Variants in NREP observed in about 807,000 individuals in gnomAD.
NREP encodes neuronal regeneration related protein, also known as neuronal regeneration-related protein.
Under a neutral mutation model 8.6 loss-of-function variants are expected in NREP, and 5 were observed. That is an observed-to-expected ratio of 0.58 (90% CI 0.30 to 1.22). NREP has a LOEUF of 1.22. Ranked by LOEUF, NREP falls within the 50% of genes most tolerant of loss-of-function variation. The probability of loss-of-function intolerance (pLI) is 0.07; values close to 1 mark genes in which losing one functional copy is unlikely to be tolerated. For missense variants in NREP, 86 were observed against 82.5 expected, an observed-to-expected ratio of 1.04 and a Z score of -0.17; for synonymous variants, 27 against 28.0, an observed-to-expected ratio of 0.96 and a Z score of 0.11.
chr5:111,869,036 C>A (rs761702746), intron 2 of NREP, among the ~76,000 whole-genome samples: 2 of 152,182 alleles, frequency 1.3e-5, no homozygotes, highest in Non-Finnish European at 2.9e-5. Flanking sequence ...TATCATAGAA[C>A]ACGCATGCTC....
chr5:111,820,191 C>G lies in NREP; in HGVS notation c.136-84684G>C, dbSNP rs778016907. ...TTTAAACAGCAAAATCACCAACAAA[C>G]AGCTCAAAATGTGGTACTAAATAGA... On this transcript the variant is annotated intron_variant, in intron 2 of 3. Coordinates refer to the NREP transcript ENST00000395634. 7.9e-5 allele frequency among the ~76,000 whole-genome samples: 12 copies of G among 152,152 alleles called. 1 individual carries two copies. Among genetic ancestry groups the G allele is most frequent in the Admixed American group, 1.3e-4 (2 of 15,270 alleles).
chr5:111,828,998 C>T (rs747244557), intron 2 of NREP, among the ~76,000 whole-genome samples: 6 of 151,732 alleles, frequency 4.0e-5, no homozygotes, highest in Non-Finnish European at 7.4e-5. Context: ...GAGGGGGAGA[C>T]AGCTGAGCTG....
chr5:111,775,168 G>A (rs1751327159), intron 2 of NREP, among the ~76,000 whole-genome samples: 2 of 151,940 alleles, frequency 1.3e-5, no homozygotes, highest in Admixed American at 6.6e-5. Flanking sequence ...TGGGAGTACG[G>A]ATGCACGCCA....
At chr5:111,853,609 A>G (rs554250101) in intron 2 of NREP, among the ~76,000 whole-genome samples, 1 of 152,222 alleles carries the variant, frequency 6.6e-6, no homozygotes, top group South Asian at 2.1e-4. Flanking sequence ...AAATAGAAGC[A>G]CTCAGTAAGT....
At position 111,876,136 on chromosome 5, in the gene NREP, T is replaced by A. The variant is rs181116304; in HGVS notation, c.135+99138A>T. Among the ~76,000 whole-genome samples, 32 of 152,336 alleles carry A rather than the reference T, an allele frequency of 2.1e-4. No individual in the cohort carries two copies. In the East Asian group the frequency reaches 6.2e-3, roughly 29 times the overall value. The stretch of plus-strand genomic sequence containing the variant: ...TCTTTCTTATTGTCCCTGGTGGACA[T>A]GCCTGGCCCCCAGGTAGCCCTTTTT... On this transcript the variant is annotated intron_variant, in intron 2 of 3. Coordinates refer to the NREP transcript ENST00000395634.
At chr5:111,764,654 T>C (rs1386188608) in intron 2 of NREP, among the ~76,000 whole-genome samples, 1 of 152,188 alleles carries the variant, frequency 6.6e-6, no homozygotes, top group African/African-American at 2.4e-5. Context: ...ACAGCCAAAC[T>C]ATATCAAAGG....
intron 2 of NREP, among the ~76,000 whole-genome samples, chr5:111,909,972 T>C (rs1327002906): frequency 6.6e-6 from 1 of 152,118 alleles, no homozygotes; most frequent in Admixed American, 6.6e-5. Flanking sequence ...ACAGCTATAC[T>C]TGTGATTTCT....
At chr5:111,913,241 A>T (rs1754963193) in intron 2 of NREP, among the ~76,000 whole-genome samples, 1 of 152,128 alleles carries the variant, frequency 6.6e-6, no homozygotes, top group South Asian at 2.1e-4. Context: ...CTAATTTCAA[A>T]TTCTAAATTC....
At chr5:111,872,566 G>A (rs758886775) in intron 2 of NREP, among the ~76,000 whole-genome samples, 1 of 152,090 alleles carries the variant, frequency 6.6e-6, no homozygotes, top group Non-Finnish European at 1.5e-5. Context: ...GAGGATTGAT[G>A]GTTGTCTGTG....
At chr5:111,946,765 T>C (rs1318787000) in intron 2 of NREP, among the ~76,000 whole-genome samples, 1 of 152,000 alleles carries the variant, frequency 6.6e-6, no homozygotes, top group African/African-American at 2.4e-5. Flanking sequence ...AGCCTTCTAA[T>C]TTGGGCAGAA....
chr5:111,880,602 A>T (rs1251553545), intron 2 of NREP, among the ~76,000 whole-genome samples: 3 of 152,174 alleles, frequency 2.0e-5, no homozygotes, highest in Non-Finnish European at 4.4e-5. Flanking sequence ...CATCATAAAG[A>T]CTTCAACTAA....
At chr5:111,757,834 G>C (rs1477479043), upstream of NREP, 39 of 966,784 alleles carry the variant, frequency 4.0e-5, no homozygotes, top group Non-Finnish European at 4.8e-5. Context: ...AGGAGGTGGA[G>C]GAGGCGGTTT....
intron 2 of NREP, among the ~76,000 whole-genome samples, chr5:111,940,911 T>C (rs193099554): frequency 5.3e-5 from 8 of 152,088 alleles, no homozygotes; most frequent in Admixed American, 2.0e-4. Flanking sequence ...GAGAGGCACA[T>C]AGGGCAAGGT....
At chr5:111,755,984 G>A in intron 1 of NREP, 154 bp from the exon 2 acceptor site, 1 of 1,427,472 alleles carries the variant, frequency 7.0e-7, no homozygotes, top group Non-Finnish European at 9.2e-7. Context: ...TTCTGAAAGA[G>A]CTTTCCAAGT....
intron 2 of NREP, among the ~76,000 whole-genome samples, chr5:111,938,706 C>A (rs1006033021): frequency 6.6e-6 from 1 of 151,988 alleles, no homozygotes; most frequent in Non-Finnish European, 1.5e-5. Flanking sequence ...TAAATGCCTT[C>A]GTACGTGTAA....
chr5:111,864,709 G>GA (rs1375129426), intron 2 of NREP, among the ~76,000 whole-genome samples: 1 of 151,924 alleles, frequency 6.6e-6, no homozygotes, highest in African/African-American at 2.4e-5. Context: ...GGATTATCAG[G>GA]AAAAAAGAGA....
intron 2 of NREP, among the ~76,000 whole-genome samples, chr5:111,856,313 A>AGCC (rs940517667): frequency 1.6e-4 from 24 of 152,314 alleles, no homozygotes; most frequent in African/African-American, 5.8e-4. Flanking sequence ...ATAGTGTCAG[A>AGCC]GCCTCTAAAG....
At chr5:111,760,882 T>C (rs1750945156), upstream of NREP, among the ~76,000 whole-genome samples, 1 of 152,264 alleles carries the variant, frequency 6.6e-6, no homozygotes, top group Non-Finnish European at 1.5e-5. Flanking sequence ...AGGATTTTTC[T>C]TCTCCCTTAG....
At chr5:111,809,733 A>G (rs1380973487) in intron 2 of NREP, among the ~76,000 whole-genome samples, 4 of 152,224 alleles carry the variant, frequency 2.6e-5, no homozygotes, top group Non-Finnish European at 4.4e-5. Flanking sequence ...CATGAACTAA[A>G]TAAACCTTTT....
Sources: allele counts gnomAD v4.1 joint callset (sites outside exome capture counted in the v4.1 genomes callset), GRCh38; gene constraint gnomAD v4.1.1; transcripts MANE v1.5; gene names NCBI Gene and HGNC (gene_info 2026-07-23, HGNC 2026-07-21).